Variants in ISM1 observed in about 807,000 individuals in gnomAD.
ISM1 encodes isthmin-1.
A neutral mutation model predicts 46.3 loss-of-function variants in ISM1; 25 were observed. The observed-to-expected ratio is 0.54, with a 90% CI of 0.39 to 0.75. ISM1 has a LOEUF of 0.75. Among genes scored for constraint, ISM1 ranks in the 30% least tolerant of loss-of-function variants. The pLI is 0.00. For synonymous variants in ISM1, 255 were observed against 256.7 expected, an observed-to-expected ratio of 0.99 and a Z score of 0.06; for missense variants, 536 against 625.4, an observed-to-expected ratio of 0.86 and a Z score of 1.52.
downstream of ISM1, among the ~76,000 whole-genome samples, chr20:13,304,487 T>C (rs1220337953): frequency 2.6e-5 from 4 of 152,196 alleles, no homozygotes; most frequent in East Asian, 7.7e-4. Context: ...CCAGTGCTTT[T>C]GCTGTCCCAA....
chr20:13,306,564 CAAAAAAAAAA>C, the ISM1 span, among the ~76,000 whole-genome samples: 52 of 63,908 alleles, frequency 8.1e-4, 1 homozygote, highest in South Asian at 0.038. Flanking sequence ...GGAGAAAGGA[CAAAAAAAAAA>C]AAAAAAAAAA....
At chr20:13,293,517 T>G (rs976842694) in intron 5 of ISM1, among the ~76,000 whole-genome samples, 12 of 151,948 alleles carry the variant, frequency 7.9e-5, no homozygotes, top group Non-Finnish European at 1.6e-4. Context: ...TTTTTTTTCA[T>G]AGCCCTGCAA....
At chr20:13,314,672 A>G in the ISM1 span, among the ~76,000 whole-genome samples, 2 of 152,182 alleles carry the variant, frequency 1.3e-5, no homozygotes, top group African/African-American at 4.8e-5. Flanking sequence ...TCAGAAACTC[A>G]GATCTTCATA....
intron 1 of ISM1, among the ~76,000 whole-genome samples, chr20:13,247,095 G>GT (rs1176234498): frequency 2.6e-5 from 4 of 152,054 alleles, no homozygotes; most frequent in African/African-American, 9.7e-5. Flanking sequence ...GCCAGGTGTG[G>GT]TGGCACATGC....
At chr20:13,233,125 C>T (rs1382699423) in intron 1 of ISM1, among the ~76,000 whole-genome samples, 1 of 152,106 alleles carries the variant, frequency 6.6e-6, no homozygotes, top group Non-Finnish European at 1.5e-5. Context: ...TGCCCCATTC[C>T]TTGTCCCCAT....
chr20:13,288,880 G>C (rs759725281), intron 4 of ISM1, among the ~76,000 whole-genome samples, 197 bp downstream of exon 4: 1 of 152,088 alleles, frequency 6.6e-6, no homozygotes, highest in Admixed American at 6.5e-5. Context: ...CACCTCCTGG[G>C]TTCAAGCAAT....
intron 1 of ISM1, among the ~76,000 whole-genome samples, chr20:13,258,687 G>T: frequency 6.6e-6 from 1 of 152,096 alleles, no homozygotes; most frequent in East Asian, 1.9e-4. Flanking sequence ...ATTCTCGTTG[G>T]TGAGAACAAC....
chr20:13,288,394 C>A (rs2040316001), intron 3 of ISM1, 146 bp from the exon 4 acceptor site: 1 of 830,594 alleles, frequency 1.2e-6, no homozygotes, highest in South Asian at 1.8e-5. Flanking sequence ...GAGCTGTAAA[C>A]CTTTTAGCTC....
At chr20:13,312,181 A>AG in the ISM1 span, among the ~76,000 whole-genome samples, 1 of 152,198 alleles carries the variant, frequency 6.6e-6, no homozygotes, top group African/African-American at 2.4e-5. Flanking sequence ...TATATTTTAA[A>AG]CCAAGTACCA....
rs2040318281 is a variant in ISM1, at chr20:13,288,596, G to A, written c.700G>A (p.Gly234Arg). Residue 234 changes from glycine (G) to arginine (R), a missense_variant, in exon 4 of 6, where the codon GGG becomes AGG. Coordinates refer to ENST00000262487, the MANE Select transcript of ISM1 (RefSeq NM_080826.2). Reference sequence around the variant, plus strand: ...CTGGTCTGTCTGCAGCGTCACCTGCGGGAACGGCAACCAGAAACGGACCCG... The same window carrying A: ...CTGGTCTGTCTGCAGCGTCACCTGCAGGAACGGCAACCAGAAACGGACCCG... Reference protein sequence around the residue: ...SLWSVCSVTCGNGNQKRTRSC... With the variant: ...SLWSVCSVTCRNGNQKRTRSC... 6.2e-6 allele frequency: 10 copies of A among 1,613,938 alleles called. No individual in the cohort carries two copies. The highest frequency in any genetic ancestry group is 2.2e-5 in the East Asian group (1 of 44,872).
intron 3 of ISM1, among the ~76,000 whole-genome samples, chr20:13,280,726 T>C (rs6041985): frequency 0.23 from 34,741 of 152,068 alleles, 4,045 homozygotes; most frequent in African/African-American, 0.28. Flanking sequence ...TCAGATCTAC[T>C]GAAATTCTGT....
At chr20:13,259,045 G>A (rs940568305) in intron 1 of ISM1, among the ~76,000 whole-genome samples, 2 of 152,166 alleles carry the variant, frequency 1.3e-5, no homozygotes, top group African/African-American at 4.8e-5. Flanking sequence ...CACTTTGGGA[G>A]GCCGAGGCGG....
chr20:13,314,559 C>G, the ISM1 span, among the ~76,000 whole-genome samples: 18,720 of 151,804 alleles, frequency 0.12, 1,271 homozygotes, highest in Admixed American at 0.18. Flanking sequence ...AGAAATAAAC[C>G]TTTTCTCAGA....
intron 1 of ISM1, among the ~76,000 whole-genome samples, chr20:13,230,355 C>T (rs1266781777): frequency 6.6e-6 from 1 of 152,112 alleles, no homozygotes; most frequent in Admixed American, 6.6e-5. Flanking sequence ...AGAAACTTCT[C>T]CTGTAGAACT....
At position 13,270,555 on chromosome 20, in the gene ISM1, T is replaced by A; in HGVS notation, c.190T>A (p.Ser64Thr). ...DTTSETSFSL[S>T]KEAPREHLDH... is the part of the protein sequence containing the mutation. ...CACATCAGAAACCAGCTTTTCTCTC[T>A]CCAAAGAAGCACCAAGGGAGCATCT... is the stretch of plus-strand genomic sequence containing the variant. The change falls in exon 2 of 6, where the codon TCC becomes ACC. Residue 64 changes from serine (S) to threonine (T), a missense_variant. Physicochemically the swap from Ser to Thr is moderately conservative, Grantham distance 58. Coordinates refer to ENST00000262487, the MANE Select transcript of ISM1 (RefSeq NM_080826.2). The A allele has an allele frequency of 6.2e-7, 1 of 1,613,856 alleles. No individual in the cohort carries two copies.
the ISM1 span, among the ~76,000 whole-genome samples, chr20:13,316,189 C>T: frequency 6.6e-6 from 1 of 151,724 alleles, no homozygotes; most frequent in Non-Finnish European, 1.5e-5. Flanking sequence ...AATTGATAAC[C>T]TAAATGAAAT....
intron 5 of ISM1, among the ~76,000 whole-genome samples, chr20:13,295,372 A>G (rs1461553136): frequency 6.6e-6 from 1 of 152,170 alleles, no homozygotes; most frequent in Non-Finnish European, 1.5e-5. Flanking sequence ...ACTGAACAAG[A>G]TTGCCATGAT....
Position 13,270,580 on chromosome 20 carries a change from T to C in ISM1, c.215T>C (p.Leu72Pro), listed in dbSNP as rs765997107. Reference protein sequence around the residue: ...SLSKEAPREHLDHQAAHQPFP... With the variant: ...SLSKEAPREHPDHQAAHQPFP... ...TCCAAAGAAGCACCAAGGGAGCATC[T>C]GGACCACCAGGCTGCACACCAACCC... Residue 72 changes from leucine to proline, a missense_variant, in exon 2 of 6, where the codon CTG (leucine) becomes CCG (proline). Around this residue, in one of 2 missense-constraint regions of ISM1, gnomAD observed 367 missense variants for 376.1 expected, o/e 0.98. Coordinates refer to ENST00000262487, the MANE Select transcript of ISM1 (RefSeq NM_080826.2). 2.7e-5 allele frequency: 43 copies of C among 1,613,874 alleles called. No homozygotes were observed. The highest frequency in any genetic ancestry group is 6.7e-5 in the Admixed American group (4 of 60,002).
At chr20:13,253,993 G>A (rs909678153) in intron 1 of ISM1, among the ~76,000 whole-genome samples, 7 of 150,492 alleles carry the variant, frequency 4.7e-5, no homozygotes, top group Admixed American at 6.6e-5. Context: ...CGAGGTGAGC[G>A]GATCACTTGA....
Sources: allele counts gnomAD v4.1 joint callset (sites outside exome capture counted in the v4.1 genomes callset), GRCh38; gene constraint gnomAD v4.1.1; regional missense constraint gnomAD v4.1.1; transcripts MANE v1.5; gene names NCBI Gene and HGNC (gene_info 2026-07-23, HGNC 2026-07-21).